The following THEMIS variants were observed in gnomAD, a reference collection of about 807,000 sequenced individuals.
The protein encoded by THEMIS is thymocyte selection associated, also known as protein THEMIS.
A neutral mutation model predicts 52.6 loss-of-function variants in THEMIS; 37 were observed. That is an observed-to-expected ratio of 0.70 (90% confidence interval 0.54 to 0.93). The LOEUF (loss-of-function observed/expected upper bound fraction) is 0.93. Ranked by LOEUF, THEMIS falls within the 40% of genes least tolerant of loss-of-function variation. The pLI, the probability that THEMIS is intolerant of heterozygous loss-of-function variation, is 0.00. For missense variants in THEMIS, 808 were observed against 763.1 expected (o/e 1.06, Z -0.69); for synonymous variants, 292 against 272.7 (o/e 1.07, Z -0.70).
Position 127,734,913 on chromosome 6 carries a change from A to ATG in THEMIS, c.1759-15092_1759-15091dup, listed in dbSNP as rs67013117. 1.9e-3 allele frequency among the ~76,000 whole-genome samples: 202 copies of ATG among 106,390 alleles called. 4 individuals carry two copies. The highest frequency in any genetic ancestry group is 0.014 in the South Asian group (47 of 3,262). 69.8% of individuals were successfully genotyped at this position (106,390 alleles called of 152,430 possible). A position where few individuals can be genotyped will look rare whatever the true frequency, so the allele number is the denominator to read the frequency against. On this transcript the variant is annotated intron_variant, in intron 4 of 5. Coordinates refer to ENST00000368248, the MANE Select transcript of THEMIS (RefSeq NM_001010923.3). The stretch of plus-strand genomic sequence containing the variant: ...AAAAAAAAAATATATATATATATAT[A>ATG]TGTGTGTGTGTGTGTGTGTGTGTGT...
chr6:127,751,729 T>C (rs765936547), intron 4 of THEMIS, among the ~76,000 whole-genome samples: 4 of 151,596 alleles, frequency 2.6e-5, no homozygotes, highest in African/African-American at 4.8e-5. Context: ...AAGGGATAAA[T>C]AGACAACAAT....
chr6:127,751,031 C>G (rs1775624532), intron 4 of THEMIS, among the ~76,000 whole-genome samples: 1 of 151,686 alleles, frequency 6.6e-6, no homozygotes, highest in Non-Finnish European at 1.5e-5. Context: ...CAGTATTAAA[C>G]TCACTGGTAA....
intron 1 of THEMIS, among the ~76,000 whole-genome samples, chr6:127,915,347 G>GCTT (rs1781499168): frequency 6.6e-6 from 1 of 152,160 alleles, no homozygotes; most frequent in Non-Finnish European, 1.5e-5. Flanking sequence ...TAAAATTGGA[G>GCTT]CTTCCAACCA....
At chr6:127,910,372 A>G (rs1781380975) in intron 1 of THEMIS, among the ~76,000 whole-genome samples, 1 of 152,154 alleles carries the variant, frequency 6.6e-6, no homozygotes, top group African/African-American at 2.4e-5. Context: ...ATCTTTAAGA[A>G]TTTGTTATTA....
At position 127,855,196 on chromosome 6, in the gene THEMIS, G is replaced by T; in HGVS notation, c.92-8C>A. On this transcript the variant is annotated splice_region_variant and splice_polypyrimidine_tract_variant and intron_variant, in intron 1 of 5. Transcript: ENST00000368248. The stretch of plus-strand genomic sequence containing the variant: ...ACATTTCATAAATAGAGCCTAAAAG[G>T]AAAGAAAAGTTAAAACAGCTTTTTA... The T allele has an allele frequency of 6.4e-7, 1 of 1,573,550 alleles. No individual in the cohort carries two copies. The highest frequency in any genetic ancestry group is 1.9e-5 in the Admixed American group (1 of 51,574).
chr6:127,887,017 C>T (rs941851795), intron 1 of THEMIS, among the ~76,000 whole-genome samples: 2 of 151,594 alleles, frequency 1.3e-5, no homozygotes, highest in East Asian at 3.9e-4. Context: ...CCTCCCCCCC[C>T]AAAAAATACA....
intron 3 of THEMIS, among the ~76,000 whole-genome samples, chr6:127,821,553 C>A (rs1174609955): frequency 6.6e-6 from 1 of 151,978 alleles, no homozygotes; most frequent in Non-Finnish European, 1.5e-5. Flanking sequence ...ATTTCCATTC[C>A]ATTTTTTCTG....
At chr6:127,835,844 A>G (rs1485767704) in intron 2 of THEMIS, among the ~76,000 whole-genome samples, 1 of 152,140 alleles carries the variant, frequency 6.6e-6, no homozygotes, top group Non-Finnish European at 1.5e-5. Context: ...GCCTTTGGAG[A>G]AATATTTCCA....
chr6:127,894,778 C>T (rs1175693643), intron 1 of THEMIS, among the ~76,000 whole-genome samples: 2 of 151,504 alleles, frequency 1.3e-5, no homozygotes, highest in African/African-American at 4.8e-5. Context: ...GTTAAACCTA[C>T]TTTTAGAAAA....
At chr6:127,809,220 T>C (rs563916480) in intron 4 of THEMIS, among the ~76,000 whole-genome samples, 1 of 152,278 alleles carries the variant, frequency 6.6e-6, no homozygotes, top group Admixed American at 6.5e-5. Flanking sequence ...TAGAGGCTGT[T>C]TTTTAATGGC....
intron 3 of THEMIS, 58 bp from the exon 4 acceptor site, chr6:127,813,989 G>A (rs1249899814): frequency 7.3e-7 from 1 of 1,363,622 alleles, no homozygotes; most frequent in African/African-American, 1.5e-5. Flanking sequence ...TTTGCTGTGA[G>A]ATACTCTCCT....
chr6:127,704,091 C>T (rs1562201646), downstream of THEMIS, among the ~76,000 whole-genome samples: 1 of 152,174 alleles, frequency 6.6e-6, no homozygotes, highest in Non-Finnish European at 1.5e-5. Flanking sequence ...AAAGGCCCGT[C>T]TTTTAATATT....
At chr6:127,880,168 A>G (rs1026592816) in intron 1 of THEMIS, among the ~76,000 whole-genome samples, 13 of 152,130 alleles carry the variant, frequency 8.5e-5, no homozygotes, top group African/African-American at 3.1e-4. Flanking sequence ...ATGTTTCACC[A>G]CAGCATACAA....
At chr6:127,849,292 T>G (rs1305426675) in intron 2 of THEMIS, among the ~76,000 whole-genome samples, 3 of 152,058 alleles carry the variant, frequency 2.0e-5, no homozygotes, top group African/African-American at 7.2e-5. Context: ...TATATCACTG[T>G]TTTGGTACCA....
chr6:127,835,036 G>A (rs1778829935), intron 2 of THEMIS, among the ~76,000 whole-genome samples: 1 of 152,102 alleles, frequency 6.6e-6, no homozygotes, highest in South Asian at 2.1e-4. Context: ...TCATAACCTT[G>A]ATGGCAACAC....
intron 4 of THEMIS, among the ~76,000 whole-genome samples, chr6:127,772,918 T>A (rs1295774451): frequency 6.6e-6 from 1 of 152,136 alleles, no homozygotes; most frequent in Non-Finnish European, 1.5e-5. Flanking sequence ...TTATTAGACT[T>A]CTCTTGGCTC....
chr6:127,780,826 T>G (rs1776719374), intron 4 of THEMIS, among the ~76,000 whole-genome samples: 1 of 152,154 alleles, frequency 6.6e-6, no homozygotes, highest in Non-Finnish European at 1.5e-5. Flanking sequence ...CTCTAAATAT[T>G]TTTTCCTTCA....
chr6:127,719,313 C>T (rs1043718188), intron 5 of THEMIS, among the ~76,000 whole-genome samples: 14 of 151,872 alleles, frequency 9.2e-5, no homozygotes, highest in East Asian at 3.9e-4. Flanking sequence ...ACTTATCTGA[C>T]GCTTCTTTAA....
chr6:127,783,851 T>C (rs187701728), intron 4 of THEMIS, among the ~76,000 whole-genome samples: 2 of 152,192 alleles, frequency 1.3e-5, no homozygotes, highest in East Asian at 1.9e-4. Context: ...ATCTAGAACC[T>C]GAAATACCAT....
Sources: gnomAD v4.1 joint callset for allele counts (sites outside exome capture counted in the v4.1 genomes callset) on GRCh38, gnomAD v4.1.1 for gene constraint, MANE v1.5 for transcripts, NCBI Gene and HGNC (gene_info 2026-07-23, HGNC 2026-07-21) for gene names.